The following SRFBP1 variants were observed in gnomAD, a reference collection of about 807,000 sequenced individuals.
SRFBP1 encodes the protein serum response factor-binding protein 1.
SRFBP1 carries 47 observed loss-of-function variants against 45.5 expected under a neutral mutation model. The observed-to-expected ratio is 1.03, with a 90% CI of 0.82 to 1.32. SRFBP1 has a LOEUF of 1.32. Ranked by LOEUF, SRFBP1 falls within the 40% of genes most tolerant of loss-of-function variation. The pLI, the probability that SRFBP1 is intolerant of heterozygous loss-of-function variation, is 0.00. For synonymous variants in SRFBP1, 203 were observed against 166.3 expected (o/e 1.22, Z -1.70); for missense variants, 621 against 484.6 (o/e 1.28, Z -2.64).
Position 121,974,331 on chromosome 5 carries a change from G to A in SRFBP1, c.125+47G>A, listed in dbSNP as rs780995553. On this transcript the variant is annotated intron_variant, in intron 2 of 7. Transcript: ENST00000339397. The stretch of plus-strand genomic sequence containing the variant: ...TCTTGTGACTAATAAAATGTCAAAA[G>A]TTGTTTTTATTTGATACTTTAAAAT... 8.6e-6 allele frequency: 12 copies of A among 1,389,434 alleles called. No individual in the cohort carries two copies. The African/African-American group carries it at 1.4e-4, about 17-fold the overall frequency. The allele number at this position is 1,389,434 out of a possible 1,614,324, so 86.1% of individuals were successfully genotyped here.
At chr5:122,041,908 T>C (rs1038443904) in intron 2 of SRFBP1, among the ~76,000 whole-genome samples, 2 of 152,226 alleles carry the variant, frequency 1.3e-5, no homozygotes, top group African/African-American at 4.8e-5. Flanking sequence ...AATTCTAGTG[T>C]TTGCTTTTAG....
At chr5:122,015,810 TGTAC>T (rs1336949966) in intron 4 of SRFBP1, among the ~76,000 whole-genome samples, 1 of 152,242 alleles carries the variant, frequency 6.6e-6, no homozygotes, top group Non-Finnish European at 1.5e-5. Context: ...AAGATGTTTA[TGTAC>T]TGTATTAGCT....
At chr5:121,970,239 T>G (rs1434790436) in intron 1 of SRFBP1, among the ~76,000 whole-genome samples, 1 of 152,136 alleles carries the variant, frequency 6.6e-6, no homozygotes, top group Non-Finnish European at 1.5e-5. Context: ...AATTCCCTTA[T>G]CCATTCATGG....
intron 3 of SRFBP1, among the ~76,000 whole-genome samples, chr5:121,980,679 G>T (rs1275496868): frequency 1.3e-5 from 2 of 152,056 alleles, no homozygotes; most frequent in Admixed American, 6.6e-5. Flanking sequence ...TTATGAAGTC[G>T]CAGAGATCCT....
At chr5:122,055,826 A>G (rs1430780713) in intron 2 of SRFBP1, among the ~76,000 whole-genome samples, 1 of 152,208 alleles carries the variant, frequency 6.6e-6, no homozygotes, top group East Asian at 1.9e-4. Context: ...TGGTGTTGTG[A>G]AAGTTGAAAC....
intron 1 of SRFBP1, among the ~76,000 whole-genome samples, chr5:121,965,416 AG>A (rs1474601646): frequency 6.6e-6 from 1 of 152,212 alleles, no homozygotes; most frequent in African/African-American, 2.4e-5. Context: ...ATGGCTACCC[AG>A]TTTTCCCAAC....
intron 2 of SRFBP1, among the ~76,000 whole-genome samples, chr5:122,058,981 A>G (rs1754129328): frequency 6.6e-6 from 1 of 152,224 alleles, no homozygotes; most frequent in Admixed American, 6.5e-5. Flanking sequence ...ATAGACCAAC[A>G]TTGAGGTTAA....
At chr5:122,058,528 TAGTG>T (rs1280689742) in intron 2 of SRFBP1, among the ~76,000 whole-genome samples, 45 of 117,772 alleles carry the variant, frequency 3.8e-4, no homozygotes, top group Admixed American at 3.3e-3. Context: ...GACAATGAGA[TAGTG>T]TGTGTGTGTG....
intron 3 of SRFBP1, among the ~76,000 whole-genome samples, chr5:121,985,052 T>C (rs1752484297): frequency 6.6e-6 from 1 of 151,882 alleles, no homozygotes; most frequent in Non-Finnish European, 1.5e-5. Context: ...GTCTATACTT[T>C]GTGTGTGCCA....
intron 4 of SRFBP1, among the ~76,000 whole-genome samples, chr5:122,018,271 G>A (rs757176024): frequency 9.2e-5 from 14 of 152,192 alleles, no homozygotes; most frequent in Non-Finnish European, 1.6e-4. Context: ...ACTGTTGAGA[G>A]AGCAAGTTGC....
At chr5:122,070,241 T>G in intron 2 of SRFBP1, 1 of 878,848 alleles carries the variant, frequency 1.1e-6, no homozygotes, top group South Asian at 1.4e-5. Flanking sequence ...TAATGAGGAC[T>G]TAGCTAAATC....
rs574221505 is a variant in SRFBP1, at chr5:122,001,079, C to A, written c.270+6409C>A. On this transcript the variant is annotated intron_variant, in intron 4 of 7. Transcript: ENST00000339397. Reference sequence around the variant, plus strand: ...CTTCTCCAAGCTCTTAAGTTTTTCTCTTTTTTCTAAACCTCCATAAAGTTT... The same window carrying A: ...CTTCTCCAAGCTCTTAAGTTTTTCTATTTTTTCTAAACCTCCATAAAGTTT... 2.0e-5 allele frequency among the ~76,000 whole-genome samples: 3 copies of A among 152,086 alleles called. No individual in the cohort carries two copies. The South Asian group carries it at 6.2e-4, about 32-fold the overall frequency.
At chr5:121,981,115 G>T (rs572607785) in intron 3 of SRFBP1, among the ~76,000 whole-genome samples, 1 of 152,150 alleles carries the variant, frequency 6.6e-6, no homozygotes, top group Non-Finnish European at 1.5e-5. Context: ...CTTTTTGGTA[G>T]TATGTCCAGG....
intron 3 of SRFBP1, among the ~76,000 whole-genome samples, chr5:121,991,612 G>A (rs1016298969): frequency 6.6e-6 from 1 of 152,218 alleles, no homozygotes; most frequent in Non-Finnish European, 1.5e-5. Context: ...GATTTCTTCT[G>A]AATAAGAAGT....
intron 2 of SRFBP1, among the ~76,000 whole-genome samples, chr5:122,046,193 C>G (rs368024391): frequency 9.9e-5 from 15 of 152,104 alleles, no homozygotes; most frequent in African/African-American, 2.4e-4. Context: ...GCTATCCCTC[C>G]ACCCCCCCTC....
At chr5:121,994,225 GTTTTC>G (rs1368192184) in intron 3 of SRFBP1, among the ~76,000 whole-genome samples, 1 of 151,742 alleles carries the variant, frequency 6.6e-6, no homozygotes, top group African/African-American at 2.4e-5. Context: ...TCTTCATTTT[GTTTTC>G]TTTGCCTCAG....
chr5:122,029,946 A>G (rs1753563660), downstream of SRFBP1, among the ~76,000 whole-genome samples: 1 of 152,214 alleles, frequency 6.6e-6, no homozygotes, highest in African/African-American at 2.4e-5. Context: ...TAATAGTGAG[A>G]AAATTGATTA....
At chr5:122,061,540 T>C (rs888841313) in intron 2 of SRFBP1, among the ~76,000 whole-genome samples, 3 of 151,984 alleles carry the variant, frequency 2.0e-5, no homozygotes, top group East Asian at 3.9e-4. Flanking sequence ...CTGCCCACAA[T>C]GGGAAGTACA....
At chr5:121,989,503 A>G (rs1752581797) in intron 3 of SRFBP1, among the ~76,000 whole-genome samples, 1 of 152,218 alleles carries the variant, frequency 6.6e-6, no homozygotes, top group South Asian at 2.1e-4. Flanking sequence ...CACAATTTTA[A>G]GTGACATTAA....
Sources: allele counts gnomAD v4.1 joint callset (sites outside exome capture counted in the v4.1 genomes callset), GRCh38; gene constraint gnomAD v4.1.1; transcripts MANE v1.5; gene names NCBI Gene and HGNC (gene_info 2026-07-23, HGNC 2026-07-21).